POT1: variants seen among roughly 807,000 people sequenced by gnomAD.
POT1 encodes protection of telomeres 1.
POT1 carries 47 observed loss-of-function variants against 78.5 expected under a neutral mutation model. The observed-to-expected ratio is 0.60, with a 90% confidence interval of 0.47 to 0.76. The LOEUF (loss-of-function observed/expected upper bound fraction) is 0.76, where lower values mean the gene tolerates loss of function less well. Ranked by LOEUF, POT1 falls within the 30% of genes least tolerant of loss-of-function variation. The probability of loss-of-function intolerance (pLI) is 0.00; values close to 1 mark genes in which losing one functional copy is unlikely to be tolerated. For missense variants in POT1, 646 were observed against 749.9 expected (o/e 0.86, Z 1.62); for synonymous variants, 259 against 260.7 (o/e 0.99, Z 0.06).
chr7:124,826,404 G>A (rs1479156727), intron 17 of POT1, among the ~76,000 whole-genome samples: 1 of 152,160 alleles, frequency 6.6e-6, no homozygotes, highest in Non-Finnish European at 1.5e-5. Flanking sequence ...TTTTCAGTGA[G>A]TTCTAGGAGT....
intron 11 of POT1, among the ~76,000 whole-genome samples, chr7:124,847,971 T>C (rs1795211661): frequency 6.6e-6 from 1 of 152,166 alleles, no homozygotes; most frequent in African/African-American, 2.4e-5. Flanking sequence ...ACAAATGATG[T>C]CATAACAACT....
chr7:124,839,041 T>C (rs1478457609), intron 14 of POT1, among the ~76,000 whole-genome samples: 1 of 152,212 alleles, frequency 6.6e-6, no homozygotes, highest in East Asian at 1.9e-4. Flanking sequence ...GGACAAACAC[T>C]ACACAATTTC....
At chr7:124,835,478 T>C in intron 14 of POT1, 64 bp from the exon 15 acceptor site, 1 of 1,518,782 alleles carries the variant, frequency 6.6e-7, no homozygotes, top group Non-Finnish European at 9.0e-7. Context: ...TACAGTCCTA[T>C]TAAATAACGT....
At chr7:124,892,036 G>A (rs1796383643) in intron 6 of POT1, among the ~76,000 whole-genome samples, 1 of 151,364 alleles carries the variant, frequency 6.6e-6, no homozygotes. Flanking sequence ...GTTGCTGTTT[G>A]GCATCCTTTG....
In POT1 at chr7:124,829,149, T is replaced by C. The variant is rs1584749063; in HGVS notation, c.1594+105A>G. 8.5e-6 allele frequency: 7 copies of C among 824,234 alleles called. No homozygotes were observed. In the East Asian group the frequency reaches 1.2e-4, roughly 14 times the overall value. 51.1% of individuals were successfully genotyped at this position (824,234 alleles called of 1,614,324 possible). A position where few individuals can be genotyped will look rare whatever the true frequency, so the allele number is the denominator to read the frequency against. On this transcript the variant is annotated intron_variant, in intron 16 of 18. Coordinates refer to ENST00000357628, the MANE Select transcript of POT1 (RefSeq NM_015450.3). ...TATCTTACAGAGGAAGGAATAAGTATACAAAGAAGGAACAGGTATACTTTC... is the reference window on the plus strand; with the variant it reads ...TATCTTACAGAGGAAGGAATAAGTACACAAAGAAGGAACAGGTATACTTTC...
intron 11 of POT1, among the ~76,000 whole-genome samples, chr7:124,849,790 G>A (rs984100355): frequency 2.0e-5 from 3 of 152,052 alleles, no homozygotes; most frequent in Admixed American, 6.5e-5. Context: ...TGAGTCATAT[G>A]AATTAGCCCA....
chr7:124,829,293 C>A lies in POT1; in HGVS notation c.1555G>T (p.Val519Phe), dbSNP rs776873207. 1 of 1,606,226 alleles carries A rather than the reference C, an allele frequency of 6.2e-7. No individual in the cohort carries two copies. The highest frequency in any genetic ancestry group is 1.3e-5 in the African/African-American group (1 of 74,828). Residue 519 changes from valine to phenylalanine, a missense_variant, in exon 16 of 19, where the codon GTT becomes TTT. Coordinates refer to ENST00000357628, the MANE Select transcript of POT1 (RefSeq NM_015450.3). ...LRSIQNLNSLVDKTSWIPSSV... is the reference protein window; with the variant it reads ...LRSIQNLNSLFDKTSWIPSSV... ...GAAGGAATCCACGATGTTTTATCAA[C>A]CAGGGAATTTAGATTTTGTATGGAT...
intron 2 of POT1, among the ~76,000 whole-genome samples, chr7:124,918,481 T>G (rs945405183): frequency 2.0e-5 from 3 of 152,136 alleles, no homozygotes; most frequent in African/African-American, 7.2e-5. Flanking sequence ...ATAAGAAACA[T>G]AAGAAACATT....
At chr7:124,854,869 A>G (rs894565545) in intron 9 of POT1, among the ~76,000 whole-genome samples, 1 of 151,914 alleles carries the variant, frequency 6.6e-6, no homozygotes, top group African/African-American at 2.4e-5. Context: ...GTGTGTGTAT[A>G]TGTATATATA....
chr7:124,893,439 A>C (rs1796419674), intron 5 of POT1, among the ~76,000 whole-genome samples: 1 of 151,630 alleles, frequency 6.6e-6, no homozygotes, highest in African/African-American at 2.4e-5. Flanking sequence ...ATAGTAGATA[A>C]GAAATGAAAA....
At chr7:124,842,778 A>G (rs200529084) in intron 13 of POT1, 29 bp downstream of exon 13, 1 of 1,554,032 alleles carries the variant, frequency 6.4e-7, no homozygotes, top group South Asian at 1.2e-5. Context: ...TAATATGAAA[A>G]CGTTTGTTTT....
At position 124,920,795 on chromosome 7, in the gene POT1, T is replaced by C. The variant is rs182764305; in HGVS notation, c.-226-5149A>G. Among the ~76,000 whole-genome samples, 853 of 152,136 alleles carry C rather than the reference T, an allele frequency of 5.6e-3. 7 individuals are homozygous for C. Among genetic ancestry groups the C allele is most frequent in the Middle Eastern group, 0.024 (7 of 294 alleles). ...ACTTATAGCTAAAAGAATTCATTAA[T>C]AAAAATGTTAAAATTGGACAGGGGC... is the stretch of plus-strand genomic sequence containing the variant. On this transcript the variant is annotated intron_variant, in intron 2 of 18. Transcript: ENST00000357628.
intron 6 of POT1, among the ~76,000 whole-genome samples, chr7:124,878,060 G>A (rs146924196): frequency 1.2e-3 from 180 of 152,246 alleles, no homozygotes; most frequent in African/African-American, 4.1e-3. Flanking sequence ...GCCAGGCACA[G>A]TGGCTCATGC....
intron 3 of POT1, among the ~76,000 whole-genome samples, chr7:124,907,937 A>C (rs1335951901): frequency 6.6e-6 from 1 of 152,072 alleles, no homozygotes; most frequent in Non-Finnish European, 1.5e-5. Context: ...CTAATAAAGG[A>C]AACAGTCAGT....
At chr7:124,824,833 CA>C (rs1794590497) in intron 18 of POT1, among the ~76,000 whole-genome samples, 1 of 150,900 alleles carries the variant, frequency 6.6e-6, no homozygotes, top group Admixed American at 6.6e-5. Flanking sequence ...ATTGGTAAAA[CA>C]AAAGCTTGTA....
chr7:124,847,202 A>T (rs1233688358), intron 11 of POT1, among the ~76,000 whole-genome samples: 2 of 152,262 alleles, frequency 1.3e-5, no homozygotes, highest in Non-Finnish European at 2.9e-5. Flanking sequence ...CTTCGAAAAT[A>T]GCAGAGGCTG....
At chr7:124,825,068 T>A (rs575721186) in intron 18 of POT1, among the ~76,000 whole-genome samples, 184 bp downstream of exon 18, 1 of 152,264 alleles carries the variant, frequency 6.6e-6, no homozygotes, top group Admixed American at 6.5e-5. Context: ...GCAGGAATTA[T>A]GATTCATAAC....
At chr7:124,880,053 C>T (rs888867498) in intron 6 of POT1, among the ~76,000 whole-genome samples, 1 of 152,028 alleles carries the variant, frequency 6.6e-6, no homozygotes, top group South Asian at 2.1e-4. Context: ...CCTGTTTATG[C>T]TGTAAGTAGA....
In POT1 at chr7:124,897,157, C is replaced by T. The variant is rs767433441; in HGVS notation, c.9+8G>A. 16 of 1,445,702 alleles carry T rather than the reference C, an allele frequency of 1.1e-5. No individual in the cohort carries two copies. The East Asian group carries it at 1.4e-4, about 13-fold the overall frequency. The allele number at this position is 1,445,702 out of a possible 1,614,324, so 89.6% of individuals were successfully genotyped here. On this transcript the variant is annotated splice_region_variant and intron_variant, in intron 5 of 18. Transcript: ENST00000357628. ...TAATACTCTAAATTAAACTGAATAT[C>T]ATCTTACCAAAGACATTGATTCTGT...
Sources: gnomAD v4.1 joint callset for allele counts (sites outside exome capture counted in the v4.1 genomes callset) on GRCh38, gnomAD v4.1.1 for gene constraint, MANE v1.5 for transcripts, NCBI Gene and HGNC (gene_info 2026-07-23, HGNC 2026-07-21) for gene names.